Variants in SYNE1 observed in about 807,000 individuals in gnomAD.
The protein encoded by SYNE1 is spectrin repeat containing nuclear envelope protein 1, also known as nesprin-1.
A neutral mutation model predicts 1,111.0 loss-of-function variants in SYNE1; 616 were observed. That is an observed-to-expected ratio of 0.55 (90% CI 0.52 to 0.59). SYNE1 has a LOEUF of 0.59. Ranked by LOEUF, SYNE1 falls within the 20% of genes least tolerant of loss-of-function variation. The pLI, the probability that SYNE1 is intolerant of heterozygous loss-of-function variation, is 0.00. For synonymous variants in SYNE1, 3,855 were observed against 3,825.8 expected (o/e 1.01, Z -0.28); for missense variants, 10,006 against 10,417.0 (o/e 0.96, Z 1.72).
intron 65 of SYNE1, 33 bp downstream of exon 65, chr6:152,359,282 T>A (rs1048096278): frequency 5.0e-6 from 8 of 1,612,798 alleles, no homozygotes; most frequent in Non-Finnish European, 5.1e-6. Context: ...ACTCCCCTTT[T>A]GGTGAGTCTA....
rs112635596 is a variant in SYNE1 at position 152,323,366 on chromosome 6, G to C, written c.15917+112C>G. The C allele has an allele frequency of 3.0e-4, 454 of 1,490,042 alleles. 1 individual carries two copies. The highest frequency in any genetic ancestry group is 7.4e-5 in the Non-Finnish European group (82 of 1,103,570). The allele number at this position is 1,490,042 out of a possible 1,614,324, so 92.3% of individuals were successfully genotyped here. On this transcript the variant is annotated intron_variant, in intron 82 of 145. Coordinates refer to ENST00000367255, the MANE Select transcript of SYNE1 (RefSeq NM_182961.4). The stretch of plus-strand genomic sequence containing the variant: ...AGGCAGGAGAATGGCGTGAACCCGG[G>C]AGGCGGAGCTTGCAGTGAGCCGAGA...
At chr6:152,200,593 G>C (rs186255978) in intron 127 of SYNE1, among the ~76,000 whole-genome samples, 22 of 152,166 alleles carry the variant, frequency 1.4e-4, no homozygotes, top group Admixed American at 1.2e-3. Flanking sequence ...ATGGAGTCTT[G>C]CCATATTGCC....
rs747716576 is a variant in SYNE1, at chr6:152,236,806, G to GT, written c.20199+10dup. 2 of 1,614,124 alleles carry GT rather than the reference G, an allele frequency of 1.2e-6. No homozygotes were observed. The highest frequency in any genetic ancestry group is 2.2e-5 in the East Asian group (1 of 44,874). ...GTTTCTAAAGGCAATGTGGCGGCTTGTAACACCAACCTGGTAGAGTGTTAT... is the reference window on the plus strand; with the variant it reads ...GTTTCTAAAGGCAATGTGGCGGCTTGTTAACACCAACCTGGTAGAGTGTTAT... On this transcript the variant is annotated intron_variant, in intron 109 of 145. Coordinates refer to ENST00000367255, the MANE Select transcript of SYNE1 (RefSeq NM_182961.4).
intron 128 of SYNE1, among the ~76,000 whole-genome samples, chr6:152,186,556 C>CAAA (rs59187571): frequency 2.3e-3 from 86 of 38,040 alleles, no homozygotes; most frequent in Non-Finnish European, 2.9e-3. Context: ...AGCTCTGTGT[C>CAAA]AAAAAAAAAA....
At chr6:152,266,180 A>T (rs1014918366) in intron 100 of SYNE1, among the ~76,000 whole-genome samples, 2 of 152,114 alleles carry the variant, frequency 1.3e-5, no homozygotes, top group African/African-American at 4.8e-5. Context: ...TTATTTTTAA[A>T]ATATTTTTTA....
chr6:152,353,752 G>C lies in SYNE1; in HGVS notation c.10927-8C>G. 6.2e-7 allele frequency: 1 copy of C among 1,613,746 alleles called. No homozygotes were observed. Among genetic ancestry groups the C allele is most frequent in the Non-Finnish European group, 8.5e-7 (1 of 1,180,038 alleles). On this transcript the variant is annotated splice_region_variant and splice_polypyrimidine_tract_variant and intron_variant, in intron 67 of 145. Transcript: ENST00000367255. ...CACTTCTTCGTGCCACTTCTGAAAT[G>C]ACAAAGTATCGAAGGGAAAGATTCA...
chr6:152,337,114 A>T (rs1326692235), intron 75 of SYNE1, 97 bp from the exon 76 acceptor site: 5 of 1,206,520 alleles, frequency 4.1e-6, no homozygotes, highest in African/African-American at 3.0e-5. Flanking sequence ...CTGTGCACTC[A>T]TTTGACACAC....
intron 3 of SYNE1, among the ~76,000 whole-genome samples, chr6:152,565,171 G>A (rs2758790): frequency 0.76 from 115,614 of 152,106 alleles, 44,044 homozygotes; most frequent in African/African-American, 0.81. Context: ...ATTAATTTAT[G>A]TGGTTCCTTT....
chr6:152,607,114 A>C (rs917385228), intron 3 of SYNE1, among the ~76,000 whole-genome samples: 1 of 147,168 alleles, frequency 6.8e-6, no homozygotes, highest in Non-Finnish European at 1.5e-5. Flanking sequence ...CCCCCCCAGT[A>C]GGTGGGACTA....
chr6:152,242,494 T>C, intron 106 of SYNE1, 54 bp from the exon 107 acceptor site: 1 of 1,598,248 alleles, frequency 6.3e-7, no homozygotes, highest in Non-Finnish European at 8.6e-7. Context: ...GGCAACCCTC[T>C]AAAAGCATAT....
intron 95 of SYNE1, 52 bp from the exon 96 acceptor site, chr6:152,284,224 G>T (rs1489618199): frequency 1.3e-6 from 2 of 1,579,176 alleles, no homozygotes; most frequent in Admixed American, 1.7e-5. Context: ...TTCACTGAGG[G>T]ATCATTAGCA....
Position 152,419,584 on chromosome 6 carries a change from G to A in SYNE1, c.5406C>T (p.Ala1802=), listed in dbSNP as rs778934705. 1.9e-6 allele frequency: 3 copies of A among 1,613,236 alleles called. No individual in the cohort carries two copies. In the Admixed American group the frequency reaches 5.0e-5, roughly 27 times the overall value. ...ACCACTTTACCTTATGCCGAGTAAG[G>A]GCTACTTGATGGTCCATTATGCTAA... ...SEISIMDHQV[A]LTRHKDHAAE... Residue 1802 remains alanine, a synonymous_variant, in exon 40 of 146, where the codon GCC becomes GCT. Transcript: ENST00000367255.
At chr6:152,627,313 A>G (rs560864699) in intron 3 of SYNE1, among the ~76,000 whole-genome samples, 1 of 152,262 alleles carries the variant, frequency 6.6e-6, no homozygotes, top group Admixed American at 6.5e-5. Context: ...GAATCTGTTC[A>G]CCTATGAGTT....
Position 152,387,256 on chromosome 6 carries a change from T to C in SYNE1, c.8303A>G (p.Glu2768Gly). ...HPLQPQPGLK[E>G]KFVLLDHLQS... ...GAGGTGGTCAAGCAGGACGAACTTC[T>C]CTTTCAGACCTGGCTGTGGTTGTAA... Residue 2768 changes from glutamate to glycine, a missense_variant, in exon 54 of 146, where the codon GAG (glutamate) becomes GGG (glycine). By Grantham distance (98) the Glu-to-Gly change is moderately conservative. This residue lies in a region of SYNE1 where 4,955 missense variants were observed against 5,017.2 expected (regional missense o/e 0.99). Coordinates refer to ENST00000367255, the MANE Select transcript of SYNE1 (RefSeq NM_182961.4). 6.2e-7 allele frequency: 1 copy of C among 1,614,216 alleles called. No individual in the cohort carries two copies. Among genetic ancestry groups the C allele is most frequent in the Non-Finnish European group, 8.5e-7 (1 of 1,180,028 alleles).
At chr6:152,454,696 G>C (rs1323753784) in intron 24 of SYNE1, among the ~76,000 whole-genome samples, 2 of 152,180 alleles carry the variant, frequency 1.3e-5, no homozygotes, top group African/African-American at 4.8e-5. Flanking sequence ...AAAACAAGAA[G>C]TACCATACTG....
intron 74 of SYNE1, among the ~76,000 whole-genome samples, chr6:152,341,330 G>A (rs2154006600): frequency 6.6e-6 from 1 of 152,290 alleles, no homozygotes; most frequent in African/African-American, 2.4e-5. Context: ...TTAATTGAAA[G>A]GAATGATGGT....
At chr6:152,145,159 A>G (rs921735493) in intron 137 of SYNE1, 2 of 369,144 alleles carry the variant, frequency 5.4e-6, no homozygotes, top group African/African-American at 4.2e-5. Flanking sequence ...TGAAATTACC[A>G]CACCACGTAG....
In SYNE1 at chr6:152,310,678, C is replaced by A. The variant is rs770289521; in HGVS notation, c.16896+10G>T. The A allele has an allele frequency of 5.0e-6, 8 of 1,590,798 alleles. No homozygotes were observed. Among genetic ancestry groups the A allele is most frequent in the South Asian group, 4.5e-5 (4 of 87,998 alleles). On this transcript the variant is annotated intron_variant, in intron 88 of 145. Coordinates refer to ENST00000367255, the MANE Select transcript of SYNE1 (RefSeq NM_182961.4). ...ATTTTTTTCTGTTTCTTTTTTTTTT[C>A]TTTTTTTACCTTAGCTGCATCTTGG... is the stretch of plus-strand genomic sequence containing the variant.
At chr6:152,244,429 TA>T in intron 106 of SYNE1, 107 bp downstream of exon 106, 1 of 1,559,406 alleles carries the variant, frequency 6.4e-7, no homozygotes, top group Non-Finnish European at 8.8e-7. Flanking sequence ...GGTTAGGACC[TA>T]AGTGGCGTGA....
Sources: gnomAD v4.1 joint callset for allele counts (sites outside exome capture counted in the v4.1 genomes callset) on GRCh38, gnomAD v4.1.1 for gene constraint, gnomAD v4.1.1 regional missense constraint, MANE v1.5 for transcripts, NCBI Gene and HGNC (gene_info 2026-07-23, HGNC 2026-07-21) for gene names.